Variants in RPS6KC1 observed in about 807,000 individuals in gnomAD.
The protein encoded by RPS6KC1 is inactive ribosomal protein S6 kinase delta-1.
A neutral mutation model predicts 103.8 loss-of-function variants in RPS6KC1; 54 were observed. The observed-to-expected ratio is 0.52, with a 90% CI of 0.42 to 0.65. RPS6KC1 has a LOEUF of 0.65. Among genes scored for constraint, RPS6KC1 ranks in the 30% least tolerant of loss-of-function variants. The pLI, the probability that RPS6KC1 is intolerant of heterozygous loss-of-function variation, is 0.00. For missense variants in RPS6KC1, 1,151 were observed against 1,253.8 expected (o/e 0.92, Z 1.24); for synonymous variants, 439 against 438.7 (o/e 1.00, Z -0.01).
chr1:213,323,860 C>T, the RPS6KC1 span, among the ~76,000 whole-genome samples: 1 of 152,096 alleles, frequency 6.6e-6, no homozygotes, highest in African/African-American at 2.4e-5. Flanking sequence ...GAACCTACAT[C>T]GACACATCAT....
chr1:213,659,756 A>G, the RPS6KC1 span, among the ~76,000 whole-genome samples: 3 of 152,126 alleles, frequency 2.0e-5, no homozygotes, highest in African/African-American at 7.2e-5. Flanking sequence ...AGAGGTGCAT[A>G]TGTGCCTGTA....
At chr1:213,205,873 T>C (rs1435793055) in intron 8 of RPS6KC1, among the ~76,000 whole-genome samples, 2 of 152,028 alleles carry the variant, frequency 1.3e-5, no homozygotes, top group Non-Finnish European at 2.9e-5. Flanking sequence ...TCTCTTTATT[T>C]TGGAATATTT....
the RPS6KC1 span, among the ~76,000 whole-genome samples, chr1:213,625,501 C>T: frequency 1.3e-5 from 2 of 151,948 alleles, no homozygotes; most frequent in African/African-American, 2.4e-5. Context: ...CATATGTATA[C>T]ATGTGCCATG....
intron 6 of RPS6KC1, among the ~76,000 whole-genome samples, chr1:213,131,811 G>A (rs1478691120): frequency 1.3e-5 from 2 of 152,028 alleles, no homozygotes; most frequent in African/African-American, 4.8e-5. Context: ...TTTATTCTTT[G>A]CCTTAACTCT....
intron 1 of RPS6KC1, among the ~76,000 whole-genome samples, chr1:213,063,402 A>G (rs2078018389): frequency 6.6e-6 from 1 of 152,044 alleles, no homozygotes; most frequent in Non-Finnish European, 1.5e-5. Flanking sequence ...GATTGAGTCT[A>G]TTTTCTAGGT....
intron 8 of RPS6KC1, among the ~76,000 whole-genome samples, chr1:213,182,136 A>G (rs2092299852): frequency 6.6e-6 from 1 of 152,192 alleles, no homozygotes; most frequent in Non-Finnish European, 1.5e-5. Context: ...AGTTTGCATG[A>G]GTTATGTATA....
At chr1:213,178,351 GCAACAT>G (rs2092030231) in intron 8 of RPS6KC1, among the ~76,000 whole-genome samples, 1 of 151,736 alleles carries the variant, frequency 6.6e-6, no homozygotes, top group Admixed American at 6.6e-5. Context: ...ACCAGCCTGG[GCAACAT>G]GGTGAAACCC....
the RPS6KC1 span, among the ~76,000 whole-genome samples, chr1:213,431,400 G>A: frequency 6.6e-6 from 1 of 151,858 alleles, no homozygotes. Context: ...TAACCAACAG[G>A]CACATCAAGA....
the RPS6KC1 span, among the ~76,000 whole-genome samples, chr1:213,834,049 G>A: frequency 4.8e-3 from 723 of 152,038 alleles, 6 homozygotes; most frequent in African/African-American, 0.016. Context: ...TTCTTTTTTC[G>A]GGGAGGAATG....
At chr1:213,690,611 G>A in the RPS6KC1 span, among the ~76,000 whole-genome samples, 1 of 152,114 alleles carries the variant, frequency 6.6e-6, no homozygotes, top group Non-Finnish European at 1.5e-5. Flanking sequence ...TGTCTACCTT[G>A]GTGTTTTTAG....
At chr1:213,268,344 G>T (rs2094958869) in intron 14 of RPS6KC1, among the ~76,000 whole-genome samples, 1 of 149,736 alleles carries the variant, frequency 6.7e-6, no homozygotes, top group Non-Finnish European at 1.5e-5. Flanking sequence ...AAAAATGAAG[G>T]TGCATAAAGA....
At chr1:213,292,256 TAA>T in the RPS6KC1 span, among the ~76,000 whole-genome samples, 1 of 8,056 alleles carries the variant, frequency 1.2e-4, no homozygotes, top group South Asian at 0.1. Context: ...ATAATAATAA[TAA>T]AATTAAATTA....
chr1:213,545,415 TAAAATA>T, the RPS6KC1 span, among the ~76,000 whole-genome samples: 5 of 89,970 alleles, frequency 5.6e-5, no homozygotes, highest in African/African-American at 1.8e-4. Context: ...AATAAATAAA[TAAAATA>T]AAATAAAATA....
At chr1:213,270,923 G>T (rs1262022612) in intron 14 of RPS6KC1, among the ~76,000 whole-genome samples, 2 of 152,132 alleles carry the variant, frequency 1.3e-5, no homozygotes, top group Non-Finnish European at 2.9e-5. Flanking sequence ...TTATCAAAAT[G>T]ACAGTACCAA....
the RPS6KC1 span, among the ~76,000 whole-genome samples, chr1:213,862,469 C>T: frequency 6.6e-6 from 1 of 152,152 alleles, no homozygotes; most frequent in African/African-American, 2.4e-5. Context: ...TGATTTATTT[C>T]TGGTCATAAA....
At chr1:213,293,284 T>A in the RPS6KC1 span, among the ~76,000 whole-genome samples, 3 of 148,370 alleles carry the variant, frequency 2.0e-5, no homozygotes, top group African/African-American at 7.4e-5. Context: ...TGTGATGGAT[T>A]TTTTTTAAAG....
At chr1:213,234,004 C>T (rs1285003814) in intron 10 of RPS6KC1, among the ~76,000 whole-genome samples, 1 of 145,902 alleles carries the variant, frequency 6.9e-6, no homozygotes, top group African/African-American at 2.7e-5. Context: ...CAAGAAAATT[C>T]TCTCTCTCTC....
At chr1:213,671,200 C>G in the RPS6KC1 span, among the ~76,000 whole-genome samples, 1 of 152,162 alleles carries the variant, frequency 6.6e-6, no homozygotes, top group Non-Finnish European at 1.5e-5. Flanking sequence ...GCCTTAAAAA[C>G]AGGAAATTTT....
chr1:213,690,001 T>C, the RPS6KC1 span, among the ~76,000 whole-genome samples: 1 of 152,124 alleles, frequency 6.6e-6, no homozygotes, highest in Non-Finnish European at 1.5e-5. Flanking sequence ...CAAGCTCTCA[T>C]CCTGCAAGAA....
Sources: allele counts gnomAD v4.1 joint callset (sites outside exome capture counted in the v4.1 genomes callset), GRCh38; gene constraint gnomAD v4.1.1; transcripts MANE v1.5; gene names NCBI Gene and HGNC (gene_info 2026-07-23, HGNC 2026-07-21).